The following EDARADD variants were observed in gnomAD, a reference collection of about 807,000 sequenced individuals.
EDARADD encodes the protein EDAR associated via death domain.
In EDARADD, 20 loss-of-function variants were observed where a neutral mutation model predicts 25.6. The observed-to-expected ratio is 0.78, with a 90% CI of 0.55 to 1.14. The LOEUF is 1.14. Among genes scored for constraint, EDARADD ranks in the 50% most tolerant of loss-of-function variants. EDARADD has a pLI of 0.00. For missense variants in EDARADD, 225 were observed against 270.1 expected, an observed-to-expected ratio of 0.83 and a Z score of 1.17; for synonymous variants, 86 against 94.4, an observed-to-expected ratio of 0.91 and a Z score of 0.52.
intron 4 of EDARADD, among the ~76,000 whole-genome samples, chr1:236,441,734 T>C (rs938480773): frequency 6.6e-5 from 10 of 151,994 alleles, no homozygotes; most frequent in Admixed American, 5.9e-4. Context: ...TTCACCATAT[T>C]GGCCAGGCTG....
At chr1:236,371,799 T>A (rs1247316987) in intron 3 of EDARADD, among the ~76,000 whole-genome samples, 1 of 152,030 alleles carries the variant, frequency 6.6e-6, no homozygotes, top group Admixed American at 6.6e-5. Flanking sequence ...CTCGAACTCC[T>A]GACCTCAGGT....
intron 3 of EDARADD, among the ~76,000 whole-genome samples, chr1:236,362,492 T>C (rs1288705437): frequency 2.0e-5 from 3 of 152,216 alleles, no homozygotes; most frequent in Non-Finnish European, 4.4e-5. Flanking sequence ...CCCCAGCTTG[T>C]GGCTTGTCTT....
At chr1:236,475,897 A>C (rs1305528306) in intron 5 of EDARADD, among the ~76,000 whole-genome samples, 1 of 152,196 alleles carries the variant, frequency 6.6e-6, no homozygotes, top group Non-Finnish European at 1.5e-5. Flanking sequence ...CTCAGTTTAA[A>C]GAAACTTTAC....
At chr1:236,415,246 G>A (rs1657606037) in intron 3 of EDARADD, among the ~76,000 whole-genome samples, 1 of 152,154 alleles carries the variant, frequency 6.6e-6, no homozygotes, top group Admixed American at 6.5e-5. Flanking sequence ...GGGTCATGGA[G>A]TGGATTTTGC....
At chr1:236,405,785 CTTT>C (rs1558112476) in intron 1 of EDARADD, among the ~76,000 whole-genome samples, 1,162 of 54,440 alleles carry the variant, frequency 0.021, 40 homozygotes, top group Non-Finnish European at 0.03. Context: ...TTCTTTCTTT[CTTT>C]CTTTTCTTTT....
intron 5 of EDARADD, among the ~76,000 whole-genome samples, chr1:236,470,736 G>A (rs1014551861): frequency 6.6e-6 from 1 of 152,110 alleles, no homozygotes; most frequent in Non-Finnish European, 1.5e-5. Flanking sequence ...CTCCTCCTGA[G>A]TAGCTGGGAT....
rs557415244 is a variant in EDARADD at position 236,461,321 on chromosome 1, G to T, written c.220-6910G>T. On this transcript the variant is annotated intron_variant, in intron 4 of 5. Coordinates refer to ENST00000334232, the MANE Select transcript of EDARADD (RefSeq NM_145861.4). ...TTAAGTCTTCCATTGATTTTGATTT[G>T]ATTTTTGTATATGGAGATAGGGGTC... Among the ~76,000 whole-genome samples, 63 of 152,322 alleles carry T rather than the reference G, an allele frequency of 4.1e-4. 1 individual carries two copies. In the South Asian group the frequency reaches 5.6e-3, roughly 14 times the overall value.
At chr1:236,388,009 T>TA (rs538041427) in intron 3 of EDARADD, among the ~76,000 whole-genome samples, 13,056 of 26,564 alleles carry the variant, frequency 0.49, 6,137 homozygotes, top group South Asian at 0.82. Flanking sequence ...AAAAATAAAT[T>TA]AAAAAAAAAA....
intron 4 of EDARADD, among the ~76,000 whole-genome samples, chr1:236,432,821 G>A (rs73123278): frequency 0.046 from 6,940 of 152,056 alleles, 404 homozygotes; most frequent in African/African-American, 0.14. Context: ...GGAGAGGAAG[G>A]TTCCAGTGAG....
chr1:236,451,923 G>T (rs1658723681), intron 4 of EDARADD, among the ~76,000 whole-genome samples: 1 of 152,072 alleles, frequency 6.6e-6, no homozygotes, highest in African/African-American at 2.4e-5. Context: ...TCTCTCCCAG[G>T]AATACACCTT....
At chr1:236,388,397 G>T (rs916455084) in intron 3 of EDARADD, among the ~76,000 whole-genome samples, 15 of 151,988 alleles carry the variant, frequency 9.9e-5, no homozygotes, top group Non-Finnish European at 8.8e-5. Context: ...TATGAATTTT[G>T]CAATCAGTTT....
intron 5 of EDARADD, among the ~76,000 whole-genome samples, chr1:236,479,150 T>C (rs978692278): frequency 6.6e-6 from 1 of 151,724 alleles, no homozygotes; most frequent in Non-Finnish European, 1.5e-5. Flanking sequence ...CACCTGTTCC[T>C]CAATAAACCA....
intron 4 of EDARADD, among the ~76,000 whole-genome samples, chr1:236,433,415 G>T (rs914797770): frequency 6.6e-6 from 1 of 151,498 alleles, no homozygotes; most frequent in Non-Finnish European, 1.5e-5. Context: ...AAATACAAGC[G>T]ATTCTCCCGC....
intron 4 of EDARADD, among the ~76,000 whole-genome samples, chr1:236,436,760 G>A (rs1325523969): frequency 6.6e-6 from 1 of 152,140 alleles, no homozygotes; most frequent in African/African-American, 2.4e-5. Context: ...TGTGAAACTG[G>A]TGTTGTGCCT....
At chr1:236,475,917 G>A (rs1250908558) in intron 5 of EDARADD, among the ~76,000 whole-genome samples, 5 of 152,078 alleles carry the variant, frequency 3.3e-5, no homozygotes, top group Non-Finnish European at 5.9e-5. Context: ...CAGGCCGGGC[G>A]CGGTGGCTCA....
At chr1:236,447,137 CTT>C (rs1491160031) in intron 4 of EDARADD, among the ~76,000 whole-genome samples, 2 of 130,158 alleles carry the variant, frequency 1.5e-5, no homozygotes, top group Admixed American at 1.6e-4. Context: ...CTCTCTCTCT[CTT>C]TCCTTCCTTC....
chr1:236,352,827 G>A (rs572146081), intron 3 of EDARADD, among the ~76,000 whole-genome samples: 7 of 151,522 alleles, frequency 4.6e-5, no homozygotes, highest in South Asian at 2.1e-4. Context: ...CAGCCTGGGC[G>A]ACAGAGTAAA....
chr1:236,361,956 G>T (rs1373529636), intron 3 of EDARADD, among the ~76,000 whole-genome samples: 1 of 151,966 alleles, frequency 6.6e-6, no homozygotes. Context: ...TATGGTAGAC[G>T]TATGTTTAAC....
chr1:236,402,235 T>A (rs1200778163), intron 1 of EDARADD, among the ~76,000 whole-genome samples: 13 of 152,190 alleles, frequency 8.5e-5, no homozygotes, highest in Non-Finnish European at 7.3e-5. Context: ...ATACTGGGAT[T>A]ACAGATGTGA....
Sources: gnomAD v4.1 joint callset for allele counts (sites outside exome capture counted in the v4.1 genomes callset) on GRCh38, gnomAD v4.1.1 for gene constraint, MANE v1.5 for transcripts, NCBI Gene and HGNC (gene_info 2026-07-23, HGNC 2026-07-21) for gene names.